EPS8: variants seen among roughly 807,000 people sequenced by gnomAD.
EPS8 encodes EGFR pathway substrate 8, signaling adaptor.
In EPS8, 42 loss-of-function variants were observed where a neutral mutation model predicts 103.8. That is an observed-to-expected ratio of 0.40 (90% confidence interval 0.32 to 0.52). EPS8 has a LOEUF of 0.52. Ranked by LOEUF, EPS8 falls within the 20% of genes least tolerant of loss-of-function variation. The pLI is 0.40. For synonymous variants in EPS8, 344 were observed against 344.6 expected, an observed-to-expected ratio of 1.00 and a Z score of 0.02; for missense variants, 969 against 1,005.1, an observed-to-expected ratio of 0.96 and a Z score of 0.49.
rs1947077131 is a variant in EPS8 at position 15,764,844 on chromosome 12, A to G, written c.-22+24317T>C. On this transcript the variant is annotated intron_variant, in intron 1 of 20. Coordinates refer to ENST00000281172, the MANE Select transcript of EPS8 (RefSeq NM_004447.6). The surrounding 1 kb of genome is among the most constrained non-coding windows in gnomAD (Gnocchi z 4.1). ...TTCTGGGGAATGAAGATCTAATACA[A>G]GTAATTCAATAAAAAAACAAGTAGT... Among the ~76,000 whole-genome samples, 1 of 152,212 alleles carries G rather than the reference A, an allele frequency of 6.6e-6. No individual in the cohort carries two copies. Among genetic ancestry groups the G allele is most frequent in the South Asian group, 2.1e-4 (1 of 4,836 alleles).
rs1332573549 is a variant in EPS8 at position 15,772,168 on chromosome 12, A to G, written c.-22+16993T>C. Among the ~76,000 whole-genome samples, 1 of 152,096 alleles carries G rather than the reference A, an allele frequency of 6.6e-6. No homozygotes were observed. Among genetic ancestry groups the G allele is most frequent in the Non-Finnish European group, 1.5e-5 (1 of 68,024 alleles). Reference sequence around the variant, plus strand: ...CTGTTGACATATAGGTGGGGCAGAAAGGTGGGTAAGAAAAAGAGTCCAGGA... The same window carrying G: ...CTGTTGACATATAGGTGGGGCAGAAGGGTGGGTAAGAAAAAGAGTCCAGGA... On this transcript the variant is annotated intron_variant, in intron 1 of 20. Coordinates refer to ENST00000281172, the MANE Select transcript of EPS8 (RefSeq NM_004447.6). The surrounding 1 kb of genome is among the most constrained non-coding windows in gnomAD (Gnocchi z 5.0).
At position 15,759,753 on chromosome 12, in the gene EPS8, G is replaced by A. The variant is rs1368858914; in HGVS notation, c.-22+29408C>T. Among the ~76,000 whole-genome samples, 1 of 151,788 alleles carries A rather than the reference G, an allele frequency of 6.6e-6. No individual in the cohort carries two copies. Among genetic ancestry groups the A allele is most frequent in the African/African-American group, 2.4e-5 (1 of 41,370 alleles). On this transcript the variant is annotated intron_variant, in intron 1 of 20. Coordinates refer to ENST00000281172, the MANE Select transcript of EPS8 (RefSeq NM_004447.6). This position sits in a 1 kb window ranked among gnomAD's most constrained non-coding sequence, Gnocchi z 4.9. ...TGAAGAAACTAAGAAGGAAATTGAA[G>A]AATTTCTTGAAACAAATGATAATGG...
chr12:15,682,807 T>C (rs1946031271), intron 2 of EPS8, 86 bp downstream of exon 2: 1 of 747,446 alleles, frequency 1.3e-6, no homozygotes, highest in Non-Finnish European at 2.3e-6. Context: ...ACAACGAAAG[T>C]AATCTTTTCA....
chr12:15,631,507 C>G lies in EPS8; in HGVS notation c.1979G>C (p.Ser660Thr), dbSNP rs1486956462. ...GATACTGCCACCACTGTCACTGGAG[C>G]TGCTGTTTTGACGTGTTATATTTGC... ...VPANITRQNS[S>T]SSDSGGSIVR... Residue 660 changes from serine to threonine, a missense_variant, in exon 18 of 21, where the codon AGC becomes ACC. Ser to Thr is a moderately conservative substitution (Grantham distance 58). Coordinates refer to ENST00000281172, the MANE Select transcript of EPS8 (RefSeq NM_004447.6). 1 of 1,613,874 alleles carries G rather than the reference C, an allele frequency of 6.2e-7. No individual in the cohort carries two copies. Among genetic ancestry groups the G allele is most frequent in the African/African-American group, 1.3e-5 (1 of 74,836 alleles).
At chr12:15,636,003 G>A (rs1945127786) in intron 17 of EPS8, among the ~76,000 whole-genome samples, 1 of 152,148 alleles carries the variant, frequency 6.6e-6, no homozygotes, top group African/African-American at 2.4e-5. Flanking sequence ...TCTTTAGTCA[G>A]TCCATTGGAT....
intron 3 of EPS8, among the ~76,000 whole-genome samples, chr12:15,680,183 A>T (rs1337318768): frequency 6.6e-6 from 1 of 152,214 alleles, no homozygotes; most frequent in Non-Finnish European, 1.5e-5. Context: ...TTTCAGTGAT[A>T]ATGCCAATTC....
chr12:15,686,009 C>T (rs909270763), intron 1 of EPS8, among the ~76,000 whole-genome samples: 2 of 151,980 alleles, frequency 1.3e-5, no homozygotes, highest in African/African-American at 4.8e-5. Context: ...TACACTAAAG[C>T]CATCATAATA....
rs887760406 is a variant in EPS8 at position 15,778,540 on chromosome 12, C to T, written c.-22+10621G>A. ...ACAGTACTTTTTTGAAAACAGACCA[C>T]GCAACAGAGGTTCTGAGAATACAGA... On this transcript the variant is annotated intron_variant, in intron 1 of 20. Coordinates refer to ENST00000281172, the MANE Select transcript of EPS8 (RefSeq NM_004447.6). This position sits in a 1 kb window ranked among gnomAD's most constrained non-coding sequence, Gnocchi z 4.5. Among the ~76,000 whole-genome samples, 12 of 152,102 alleles carry T rather than the reference C, an allele frequency of 7.9e-5. No individual in the cohort carries two copies. Among genetic ancestry groups the T allele is most frequent in the Admixed American group, 3.3e-4 (5 of 15,270 alleles).
In EPS8 at chr12:15,689,025, C is replaced by A. The variant is rs371825231; in HGVS notation, c.-21-6053G>T. Among the ~76,000 whole-genome samples, 11 of 152,300 alleles carry A rather than the reference C, an allele frequency of 7.2e-5. No individual in the cohort carries two copies. In the East Asian group the frequency reaches 2.1e-3, roughly 29 times the overall value. Reference sequence around the variant, plus strand: ...CGGGGCACTGAAGAAACAAGCCACACCGACATTGCATGCCCTGCGAGGGGG... The same window carrying A: ...CGGGGCACTGAAGAAACAAGCCACAACGACATTGCATGCCCTGCGAGGGGG... On this transcript the variant is annotated intron_variant, in intron 1 of 20. Transcript: ENST00000281172.
intron 1 of EPS8, chr12:15,712,918 A>T (rs1565513680): frequency 9.1e-6 from 9 of 985,184 alleles, no homozygotes; most frequent in Non-Finnish European, 1.1e-5. Flanking sequence ...CATTCCACTC[A>T]GTTTACTTAT....
chr12:15,690,145 A>G lies in EPS8; in HGVS notation c.-21-7173T>C, dbSNP rs748965631. Among the ~76,000 whole-genome samples, 2 of 152,216 alleles carry G rather than the reference A, an allele frequency of 1.3e-5. No homozygotes were observed. Among genetic ancestry groups the G allele is most frequent in the Non-Finnish European group, 2.9e-5 (2 of 68,036 alleles). ...GCAAACAAAATACTGCAGGTGACTC[A>G]CTGCATTTCCGTATAGCTCCTTAAG... On this transcript the variant is annotated intron_variant, in intron 1 of 20. Transcript: ENST00000281172. This position sits in a 1 kb window ranked among gnomAD's most constrained non-coding sequence, Gnocchi z 4.7.
At chr12:15,711,553 C>A (rs1946465058) in intron 1 of EPS8, among the ~76,000 whole-genome samples, 1 of 152,122 alleles carries the variant, frequency 6.6e-6, no homozygotes, top group Admixed American at 6.6e-5. Flanking sequence ...ATTTTACATA[C>A]CATTCCAAGA....
At position 15,690,998 on chromosome 12, in the gene EPS8, A is replaced by C. The variant is rs1946163809; in HGVS notation, c.-21-8026T>G. Among the ~76,000 whole-genome samples the C allele has an allele frequency of 6.6e-6, 1 of 152,046 alleles. No individual in the cohort carries two copies. The highest frequency in any genetic ancestry group is 2.4e-5 in the African/African-American group (1 of 41,396). ...GCTGAATATAAAAAAAACAAGCCAG[A>C]TTGTCAGTAGGTAATCCTACTAAGA... On this transcript the variant is annotated intron_variant, in intron 1 of 20. Transcript: ENST00000281172. The surrounding 1 kb of genome is among the most constrained non-coding windows in gnomAD (Gnocchi z 4.7).
At chr12:15,694,229 C>A (rs1946213237) in intron 1 of EPS8, among the ~76,000 whole-genome samples, 1 of 151,608 alleles carries the variant, frequency 6.6e-6, no homozygotes, top group African/African-American at 2.4e-5. Flanking sequence ...AATATGAGTA[C>A]AAGTTTATAC....
chr12:15,720,990 T>G (rs1946588868), intron 1 of EPS8, among the ~76,000 whole-genome samples: 1 of 152,190 alleles, frequency 6.6e-6, no homozygotes, highest in Admixed American at 6.5e-5. Flanking sequence ...TCCCTACCAC[T>G]TACTACAGTT....
At position 15,737,903 on chromosome 12, in the gene EPS8, T is replaced by C. The variant is rs11056619; in HGVS notation, c.-22+51258A>G. ...CTATCTGCTCTATATTCCTCAGGTG[T>C]TTTTTGTAAGTACATGAAAAACTTC... On this transcript the variant is annotated intron_variant, in intron 1 of 20. Coordinates refer to ENST00000281172, the MANE Select transcript of EPS8 (RefSeq NM_004447.6). Among the ~76,000 whole-genome samples the C allele has an allele frequency of 2.8e-3, 433 of 152,206 alleles. 5 individuals carry two copies. In the East Asian group the frequency reaches 0.031, roughly 11 times the overall value.
chr12:15,777,809 CA>C lies in EPS8; in HGVS notation c.-22+11351del, dbSNP rs1470148193. Among the ~76,000 whole-genome samples the C allele has an allele frequency of 6.6e-6, 1 of 152,180 alleles. No homozygotes were observed. Among genetic ancestry groups the C allele is most frequent in the Non-Finnish European group, 1.5e-5 (1 of 68,032 alleles). On this transcript the variant is annotated intron_variant, in intron 1 of 20. Coordinates refer to ENST00000281172, the MANE Select transcript of EPS8 (RefSeq NM_004447.6). This position sits in a 1 kb window ranked among gnomAD's most constrained non-coding sequence, Gnocchi z 4.7. Reference sequence around the variant, plus strand: ...AAAGGGGGTGATGAAGGAAAGCCCACATGGTTATTTATCTGCTTCAAGAGTT... The same window carrying C: ...AAAGGGGGTGATGAAGGAAAGCCCACTGGTTATTTATCTGCTTCAAGAGTT...
intron 14 of EPS8, among the ~76,000 whole-genome samples, chr12:15,649,466 T>C (rs1945375633): frequency 1.3e-5 from 2 of 152,176 alleles, no homozygotes; most frequent in Admixed American, 6.5e-5. Context: ...AACTACCCTT[T>C]AAATGGAAAG....
intron 17 of EPS8, among the ~76,000 whole-genome samples, chr12:15,636,026 A>C (rs1945128247): frequency 6.6e-6 from 1 of 152,214 alleles, no homozygotes; most frequent in Non-Finnish European, 1.5e-5. Context: ...ATAATAAATA[A>C]CATCACGGGA....
Sources: allele counts gnomAD v4.1 joint callset (sites outside exome capture counted in the v4.1 genomes callset), GRCh38; gene constraint gnomAD v4.1.1; non-coding constraint Gnocchi (gnomAD v3.1); transcripts MANE v1.5; gene names NCBI Gene and HGNC (gene_info 2026-07-23, HGNC 2026-07-21).